EIF4G3: variants seen among roughly 807,000 people sequenced by gnomAD.
EIF4G3 encodes eukaryotic translation initiation factor 4 gamma 3.
A neutral mutation model predicts 186.4 loss-of-function variants in EIF4G3; 34 were observed. The observed-to-expected ratio is 0.18, with a 90% CI of 0.14 to 0.24. EIF4G3 has a LOEUF of 0.24. Among genes scored for constraint, EIF4G3 ranks in the 10% least tolerant of loss-of-function variants. The pLI, the probability that EIF4G3 is intolerant of heterozygous loss-of-function variation, is 1.00. For synonymous variants in EIF4G3, 673 were observed against 679.5 expected (o/e 0.99, Z 0.15); for missense variants, 1,536 against 1,948.5 (o/e 0.79, Z 3.99).
chr1:21,040,743 T>A (rs2093523286), intron 4 of EIF4G3, among the ~76,000 whole-genome samples: 1 of 152,214 alleles, frequency 6.6e-6, no homozygotes, highest in Non-Finnish European at 1.5e-5. Flanking sequence ...AAGGACTCCG[T>A]ACTTTTAAAT....
At chr1:20,992,581 G>A (rs2081357871) in intron 7 of EIF4G3, among the ~76,000 whole-genome samples, 1 of 152,084 alleles carries the variant, frequency 6.6e-6, no homozygotes, top group African/African-American at 2.4e-5. Flanking sequence ...GTTTTATGAA[G>A]CTCATTATTT....
intron 5 of EIF4G3, among the ~76,000 whole-genome samples, chr1:21,002,336 G>A (rs539930658): frequency 6.6e-6 from 1 of 152,146 alleles, no homozygotes; most frequent in South Asian, 2.1e-4. Flanking sequence ...AATTTAATTA[G>A]TGAAATTCAA....
intron 4 of EIF4G3, among the ~76,000 whole-genome samples, chr1:21,003,171 C>CT (rs376496321): frequency 0.14 from 15,354 of 105,938 alleles, 1,225 homozygotes; most frequent in East Asian, 0.41. Context: ...TAATTTTTTT[C>CT]TTTTTTTTTT....
chr1:21,174,475 T>C (rs1210910417), intron 2 of EIF4G3, among the ~76,000 whole-genome samples: 2 of 152,208 alleles, frequency 1.3e-5, no homozygotes, highest in Non-Finnish European at 2.9e-5. Context: ...TCTGTTCAAT[T>C]GCCAAAACAG....
chr1:20,915,518 AAG>A (rs1182209939), intron 14 of EIF4G3, among the ~76,000 whole-genome samples: 2 of 152,154 alleles, frequency 1.3e-5, no homozygotes, highest in East Asian at 3.8e-4. Flanking sequence ...AATACAGAAA[AAG>A]AAAAAAAATG....
chr1:20,945,504 C>A (rs931400776), intron 13 of EIF4G3, among the ~76,000 whole-genome samples: 5 of 152,184 alleles, frequency 3.3e-5, no homozygotes, highest in African/African-American at 1.2e-4. Context: ...CTTGCTCTGT[C>A]GCCTAGGCTG....
At chr1:20,886,140 ATAAGT>A (rs2084062517) in intron 19 of EIF4G3, 56 bp downstream of exon 19, 22 of 1,528,100 alleles carry the variant, frequency 1.4e-5, no homozygotes, top group Non-Finnish European at 1.5e-5. Context: ...GCAAAGCAAA[ATAAGT>A]TAAAACAAAA....
chr1:21,123,939 T>G (rs746474681), intron 2 of EIF4G3, among the ~76,000 whole-genome samples: 12 of 152,172 alleles, frequency 7.9e-5, no homozygotes, highest in Admixed American at 5.2e-4. Context: ...TGGAAACACA[T>G]GATACTGTGT....
At chr1:20,829,405 G>T in intron 30 of EIF4G3, 133 bp from the exon 31 acceptor site, 4 of 990,528 alleles carry the variant, frequency 4.0e-6, no homozygotes, top group Non-Finnish European at 6.0e-6. Flanking sequence ...GCCACAAAGT[G>T]ACTGGTAAAT....
chr1:20,854,045 T>C (rs1377561364), intron 26 of EIF4G3, among the ~76,000 whole-genome samples: 6 of 152,100 alleles, frequency 3.9e-5, no homozygotes, highest in Non-Finnish European at 8.8e-5. Flanking sequence ...TACTGAATAA[T>C]GACATTTTTT....
chr1:20,999,843 T>C, intron 6 of EIF4G3: 1 of 373,396 alleles, frequency 2.7e-6, no homozygotes, highest in South Asian at 2.0e-5. Context: ...TCTTTCTTTT[T>C]TCTTTTCTTT....
intron 3 of EIF4G3, among the ~76,000 whole-genome samples, chr1:21,077,717 C>T (rs750646821): frequency 2.0e-5 from 3 of 151,570 alleles, no homozygotes; most frequent in Admixed American, 6.6e-5. Context: ...CCCATCTCTA[C>T]GAAAAATACA....
At chr1:21,172,437 T>C (rs2097999474) in intron 2 of EIF4G3, among the ~76,000 whole-genome samples, 2 of 152,208 alleles carry the variant, frequency 1.3e-5, no homozygotes, top group Non-Finnish European at 2.9e-5. Context: ...TCTTCAATCC[T>C]ACATCTAGCA....
At chr1:20,911,949 T>A (rs970367629) in intron 14 of EIF4G3, among the ~76,000 whole-genome samples, 1 of 151,684 alleles carries the variant, frequency 6.6e-6, no homozygotes, top group Non-Finnish European at 1.5e-5. Flanking sequence ...AAAATAAAAA[T>A]AAAATATACT....
intron 14 of EIF4G3, 85 bp from the exon 15 acceptor site, chr1:20,905,056 T>A: frequency 1.0e-6 from 1 of 1,003,524 alleles, no homozygotes; most frequent in Non-Finnish European, 1.5e-6. Flanking sequence ...ATATTCAAAT[T>A]AAGCAGGATA....
chr1:21,058,502 A>T (rs1283703303), intron 3 of EIF4G3, among the ~76,000 whole-genome samples: 1 of 151,898 alleles, frequency 6.6e-6, no homozygotes, highest in Non-Finnish European at 1.5e-5. Context: ...GTATCTCATG[A>T]TCATCATCAA....
intron 14 of EIF4G3, among the ~76,000 whole-genome samples, chr1:20,939,077 A>C (rs1354395353): frequency 6.7e-6 from 1 of 149,284 alleles, no homozygotes; most frequent in Non-Finnish European, 1.5e-5. Context: ...ACTGCACTCC[A>C]GCCCGGGCGA....
rs1283631514 is a variant in EIF4G3, at chr1:21,063,725, G to A, written c.-195-12731C>T. On this transcript the variant is annotated intron_variant, in intron 3 of 36. Transcript: ENST00000602326. Reference sequence around the variant, plus strand: ...CATTTTGGGGGGGGGGGTGTTGGGGGGGGGGACGCAGTCTCACTCTGTTGC... The same window carrying A: ...CATTTTGGGGGGGGGGGTGTTGGGGAGGGGGACGCAGTCTCACTCTGTTGC... 2.4e-5 allele frequency among the ~76,000 whole-genome samples: 3 copies of A among 124,336 alleles called. No individual in the cohort carries two copies. The South Asian group carries it at 9.6e-4, about 40-fold the overall frequency. The allele number at this position is 124,336 out of a possible 152,430, so 81.6% of individuals were successfully genotyped here.
intron 13 of EIF4G3, among the ~76,000 whole-genome samples, chr1:20,945,241 T>C (rs1033108732): frequency 6.6e-6 from 1 of 152,142 alleles, no homozygotes; most frequent in Non-Finnish European, 1.5e-5. Flanking sequence ...AGAATTTTTC[T>C]AATAATCATG....
Sources: allele counts gnomAD v4.1 joint callset (sites outside exome capture counted in the v4.1 genomes callset), GRCh38; gene constraint gnomAD v4.1.1; transcripts MANE v1.5; gene names NCBI Gene and HGNC (gene_info 2026-07-23, HGNC 2026-07-21).